RNFT1: variants seen among roughly 807,000 people sequenced by gnomAD.
RNFT1 encodes ring finger protein, transmembrane 1.
In RNFT1, 35 loss-of-function variants were observed where a neutral mutation model predicts 53.2. That is an observed-to-expected ratio of 0.66 (90% confidence interval 0.50 to 0.87). RNFT1 has a LOEUF of 0.87. RNFT1 is among the 40% of genes least tolerant of loss of function. The pLI is 0.00. For synonymous variants in RNFT1, 141 were observed against 172.8 expected (o/e 0.82, Z 1.44); for missense variants, 421 against 515.0 (o/e 0.82, Z 1.77).
chr17:59,952,912 G>A lies in RNFT1; in HGVS notation c.*65C>T, dbSNP rs945752909. 3 of 1,461,970 alleles carry A rather than the reference G, an allele frequency of 2.1e-6. No individual in the cohort carries two copies. The African/African-American group carries it at 4.2e-5, about 21-fold the overall frequency. 90.6% of individuals were successfully genotyped at this position (1,461,970 alleles called of 1,614,324 possible). A position where few individuals can be genotyped will look rare whatever the true frequency, so the allele number is the denominator to read the frequency against. ...GGTAGCCCTGAAAATCCATTCTGAT[G>A]CCTTATCAGTAGTCATTATGACCAA... is the stretch of plus-strand genomic sequence containing the variant. On this transcript the variant is annotated 3_prime_UTR_variant, in exon 9 of 9. Transcript: ENST00000305783.
At chr17:59,957,476 AATAAT>A (rs2045261452) in intron 5 of RNFT1, 94 bp from the exon 6 acceptor site, 1 of 743,346 alleles carries the variant, frequency 1.3e-6, no homozygotes. Context: ...TATATTATAC[AATAAT>A]ATAAATAACT....
intron 5 of RNFT1, 43 bp downstream of exon 5, chr17:59,958,248 A>T (rs768376325): frequency 6.5e-7 from 1 of 1,542,076 alleles, no homozygotes; most frequent in Non-Finnish European, 8.7e-7. Flanking sequence ...CATTAATGTG[A>T]TTCGATAACA....
rs918528897 is a variant in RNFT1, at chr17:59,960,111, C to G, written c.649G>C (p.Val217Leu). 5.0e-6 allele frequency: 8 copies of G among 1,609,734 alleles called. No individual in the cohort carries two copies. The highest frequency in any genetic ancestry group is 1.1e-5 in the South Asian group (1 of 89,974). Reference protein sequence around the residue: ...WLLVFLAGSSVLLYYTFHSQS... With the variant: ...WLLVFLAGSSLLLYYTFHSQS... Reference sequence around the variant, plus strand: ...GAATGAAAGGTGTAATATAAAAGAACAGAAGATCCTGCTAAGAATACCAGT... The same window carrying G: ...GAATGAAAGGTGTAATATAAAAGAAGAGAAGATCCTGCTAAGAATACCAGT... Residue 217 changes from valine to leucine, a missense_variant, in exon 4 of 9, where the codon GTT becomes CTT. Transcript: ENST00000305783.
Position 59,952,607 on chromosome 17 carries a change from T to C in RNFT1, c.*370A>G, listed in dbSNP as rs2045227905. The C allele has an allele frequency of 6.4e-6, 1 of 155,416 alleles. No individual in the cohort carries two copies. The highest frequency in any genetic ancestry group is 1.4e-5 in the Non-Finnish European group (1 of 70,008). The allele number at this position is 155,416 out of a possible 1,614,324, so 9.6% of individuals were successfully genotyped here. On this transcript the variant is annotated 3_prime_UTR_variant, in exon 9 of 9. Transcript: ENST00000305783. ...AGATAGTATGTATCTTAAAATATTA[T>C]GAAAAATATTCTTTATTCTGAAAAC...
Position 59,958,324 on chromosome 17 carries a change from C to T in RNFT1, c.813G>A (p.Leu271=). 6.3e-7 allele frequency: 1 copy of T among 1,596,374 alleles called. No homozygotes were observed. The highest frequency in any genetic ancestry group is 8.5e-7 in the Non-Finnish European group (1 of 1,176,010). Residue 271 remains leucine, a synonymous_variant, in exon 5 of 9, where the codon TTG becomes TTA. Coordinates refer to ENST00000305783, the MANE Select transcript of RNFT1 (RefSeq NM_016125.4). ...FFMGLKCLIL[L]VPSFIMPFKS... ...TAAAAGGCATGATGAAAGAAGGCAC[C>T]AATAAAATAAGGCATTTTAAGCCCA...
At position 59,958,277 on chromosome 17, in the gene RNFT1, A is replaced by C. The variant is rs766162884; in HGVS notation, c.846+14T>G. ...GATAACATCACTCCAATAAAGCATA[A>C]GTGAGTTTCTTACCTTAGATTTAAA... On this transcript the variant is annotated intron_variant, in intron 5 of 8. Coordinates refer to ENST00000305783, the MANE Select transcript of RNFT1 (RefSeq NM_016125.4). The C allele has an allele frequency of 1.3e-6, 2 of 1,582,616 alleles. No homozygotes were observed. The highest frequency in any genetic ancestry group is 2.4e-5 in the South Asian group (2 of 84,156).
In RNFT1 at chr17:59,962,878, G is replaced by A; in HGVS notation, c.463C>T (p.Leu155Phe). Residue 155 changes from leucine (L) to phenylalanine (F), a missense_variant, in exon 2 of 9, where the codon CTT becomes TTT. Coordinates refer to ENST00000305783, the MANE Select transcript of RNFT1 (RefSeq NM_016125.4). ...ACGCTCAGAATCAAAATATATGGAA[G>A]ACTTTTTTGCAGCCACTTGAAGAGA... ...RYLFKWLQKS[L>F]PYILILSVKL... 3 of 1,613,918 alleles carry A rather than the reference G, an allele frequency of 1.9e-6. No homozygotes were observed. Among genetic ancestry groups the A allele is most frequent in the Non-Finnish European group, 2.5e-6 (3 of 1,179,804 alleles).
intron 1 of RNFT1, among the ~76,000 whole-genome samples, 196 bp from the exon 2 acceptor site, chr17:59,963,480 G>A (rs2045310801): frequency 6.6e-6 from 1 of 151,016 alleles, no homozygotes; most frequent in Non-Finnish European, 1.5e-5. Context: ...TGATCTTTTA[G>A]GGAACATTTG....
rs139462395 is a variant in RNFT1 at position 59,962,904 on chromosome 17, T to G, written c.437A>C (p.Tyr146Ser). Residue 146 changes from tyrosine (Y) to serine (S), a missense_variant, in exon 2 of 9, where the codon TAT becomes TCT. By Grantham distance (144) the Tyr-to-Ser change is moderately radical. Coordinates refer to ENST00000305783, the MANE Select transcript of RNFT1 (RefSeq NM_016125.4). ...ACTTTTTTGCAGCCACTTGAAGAGA[T>G]AGCGGAATTCTGAGAAGGAGCTACT... ...HGSSSFSEFR[Y>S]LFKWLQKSLP... 76 of 1,614,078 alleles carry G rather than the reference T, an allele frequency of 4.7e-5. No homozygotes were observed. Among genetic ancestry groups the G allele is most frequent in the Admixed American group, 8.3e-5 (5 of 60,002 alleles).
chr17:59,952,921 G>GT lies in RNFT1; in HGVS notation c.*55dup, dbSNP rs1041369706. On this transcript the variant is annotated 3_prime_UTR_variant, in exon 9 of 9. Transcript: ENST00000305783. Reference sequence around the variant, plus strand: ...GAAAATCCATTCTGATGCCTTATCAGTAGTCATTATGACCAAATGACATTA... The same window carrying GT: ...GAAAATCCATTCTGATGCCTTATCAGTTAGTCATTATGACCAAATGACATTA... 2.0e-6 allele frequency: 3 copies of GT among 1,525,368 alleles called. No homozygotes were observed. The African/African-American group carries it at 4.1e-5, about 21-fold the overall frequency. The allele number at this position is 1,525,368 out of a possible 1,614,324, so 94.5% of individuals were successfully genotyped here.
chr17:59,961,947 G>A (rs956292608), intron 3 of RNFT1, among the ~76,000 whole-genome samples: 1 of 133,136 alleles, frequency 7.5e-6, no homozygotes, highest in South Asian at 2.4e-4. Context: ...GTGCAGTGGT[G>A]CGATCTCAGC....
chr17:59,963,691 G>C (rs1488567509), intron 1 of RNFT1, among the ~76,000 whole-genome samples: 1 of 152,050 alleles, frequency 6.6e-6, no homozygotes, highest in African/African-American at 2.4e-5. Flanking sequence ...GTTTCATAAG[G>C]AAGAGTGAGC....
intron 7 of RNFT1, among the ~76,000 whole-genome samples, chr17:59,955,944 T>C (rs1460452676): frequency 2.0e-5 from 3 of 152,186 alleles, no homozygotes; most frequent in Non-Finnish European, 4.4e-5. Flanking sequence ...AATAATGTTA[T>C]AAATGACACC....
At chr17:59,953,697 G>A (rs1036479853) in intron 8 of RNFT1, among the ~76,000 whole-genome samples, 1 of 152,132 alleles carries the variant, frequency 6.6e-6, no homozygotes, top group Non-Finnish European at 1.5e-5. Context: ...TAAGGTCTTT[G>A]AGTTACTAGT....
At position 59,964,691 on chromosome 17, in the gene RNFT1, C is replaced by G. The variant is rs372897436; in HGVS notation, c.-28G>C. ...ACCGCCTCCAGCCCTTCAGTCGGGG[C>G]CATCAACCGCAAACCCCGCAAGCTC... On this transcript the variant is annotated 5_prime_UTR_variant, in exon 1 of 9. Coordinates refer to ENST00000305783, the MANE Select transcript of RNFT1 (RefSeq NM_016125.4). 3.0e-4 allele frequency: 468 copies of G among 1,584,468 alleles called. No homozygotes were observed. The highest frequency in any genetic ancestry group is 3.7e-4 in the Non-Finnish European group (435 of 1,165,450).
In RNFT1 at chr17:59,957,291, C is replaced by T. The variant is rs1391022471; in HGVS notation, c.938G>A (p.Gly313Glu). ...CCATCTAGTTACGTTACCAAACTCC[C>T]CATAGCTTATAAGGTAGCGAAACCA... Reference protein sequence around the residue: ...PVWFRYLISYGEFGNVTRWSL... With the variant: ...PVWFRYLISYEEFGNVTRWSL... The change falls in exon 6 of 9, where the codon GGG (glycine) becomes GAG (glutamate). Residue 313 changes from glycine to glutamate, a missense_variant. Physicochemically the swap from Gly to Glu is moderately conservative, Grantham distance 98. Transcript: ENST00000305783. 1 of 1,613,772 alleles carries T rather than the reference C, an allele frequency of 6.2e-7. No individual in the cohort carries two copies. Among genetic ancestry groups the T allele is most frequent in the Admixed American group, 1.7e-5 (1 of 59,976 alleles).
rs1382700879 is a variant in RNFT1 at position 59,957,363 on chromosome 17, A to G, written c.866T>C (p.Leu289Ser). ...FKSKGYWYMLLEELCQYYRTF... is the reference protein window; with the variant it reads ...FKSKGYWYMLSEELCQYYRTF... ...TCGGTAGTATTGACACAATTCTTCT[A>G]AAAGCATATACCAGTAACCCTAAAA... The change falls in exon 6 of 9, where the codon TTA becomes TCA. Residue 289 changes from leucine to serine, a missense_variant. Coordinates refer to ENST00000305783, the MANE Select transcript of RNFT1 (RefSeq NM_016125.4). The G allele has an allele frequency of 1.9e-6, 3 of 1,613,586 alleles. No homozygotes were observed. The highest frequency in any genetic ancestry group is 2.5e-6 in the Non-Finnish European group (3 of 1,179,826).
chr17:59,961,160 C>T (rs2045289253), intron 3 of RNFT1, among the ~76,000 whole-genome samples: 1 of 151,870 alleles, frequency 6.6e-6, no homozygotes, highest in Admixed American at 6.6e-5. Context: ...CCTCAGCCTC[C>T]CAGATAGCAG....
chr17:59,955,452 T>G (rs1180062431), intron 7 of RNFT1, among the ~76,000 whole-genome samples: 1 of 152,206 alleles, frequency 6.6e-6, no homozygotes, highest in Non-Finnish European at 1.5e-5. Flanking sequence ...TGATATCCTC[T>G]CTGTAGTTTG....
Sources: gnomAD v4.1 joint callset for allele counts (sites outside exome capture counted in the v4.1 genomes callset) on GRCh38, gnomAD v4.1.1 for gene constraint, MANE v1.5 for transcripts, NCBI Gene and HGNC (gene_info 2026-07-23, HGNC 2026-07-21) for gene names.